Variants in TOM1L1 observed in about 807,000 individuals in gnomAD.
TOM1L1 encodes target of myb1 like 1 membrane trafficking protein, also known as TOM1-like protein 1.
In TOM1L1, 64 loss-of-function variants were observed where a neutral mutation model predicts 63.4. That is an observed-to-expected ratio of 1.01 (90% confidence interval 0.83 to 1.24). TOM1L1 has a LOEUF of 1.24. TOM1L1 is among the 50% of genes most tolerant of loss of function. The pLI, the probability that TOM1L1 is intolerant of heterozygous loss-of-function variation, is 0.00. For synonymous variants in TOM1L1, 166 were observed against 194.4 expected (o/e 0.85, Z 1.22); for missense variants, 536 against 567.0 (o/e 0.95, Z 0.55).
chr17:54,922,884 C>T (rs1432640933), intron 7 of TOM1L1, among the ~76,000 whole-genome samples: 1 of 152,188 alleles, frequency 6.6e-6, no homozygotes, highest in African/African-American at 2.4e-5. Context: ...AAGGAAACCC[C>T]ATGCTCATTA....
intron 6 of TOM1L1, 88 bp downstream of exon 6, chr17:54,914,831 A>G: frequency 9.7e-7 from 1 of 1,029,908 alleles, no homozygotes; most frequent in Non-Finnish European, 1.5e-6. Context: ...GGTTAACAAC[A>G]TTGAGATGTA....
chr17:54,951,513 A>G (rs1869523082), intron 14 of TOM1L1, among the ~76,000 whole-genome samples: 1 of 152,232 alleles, frequency 6.6e-6, no homozygotes, highest in Non-Finnish European at 1.5e-5. Context: ...TGAAAGGAGG[A>G]CTAGAGAAGG....
At chr17:54,946,882 G>T (rs911552824) in intron 11 of TOM1L1, among the ~76,000 whole-genome samples, 1 of 152,186 alleles carries the variant, frequency 6.6e-6, no homozygotes, top group Admixed American at 6.5e-5. Context: ...GTGACATTCA[G>T]TGGAGAGACA....
intron 5 of TOM1L1, 27 bp from the exon 6 acceptor site, chr17:54,914,612 T>TA: frequency 6.3e-7 from 1 of 1,578,544 alleles, no homozygotes; most frequent in Non-Finnish European, 8.7e-7. Context: ...ATTCACATAA[T>TA]AATATTACCA....
Position 54,950,873 on chromosome 17 carries a change from A to G in TOM1L1, c.1370+747A>G, listed in dbSNP as rs192952010. Among the ~76,000 whole-genome samples, 9 of 152,332 alleles carry G rather than the reference A, an allele frequency of 5.9e-5. No individual in the cohort carries two copies. The East Asian group carries it at 1.7e-3, about 29-fold the overall frequency. On this transcript the variant is annotated intron_variant, in intron 14 of 15. Transcript: ENST00000575882. ...GTTTTTCCTCAGCTCTCACTCTAAT[A>G]TAACAATGAATGCAGAGACTTCTGT...
chr17:54,935,897 C>T (rs951356648), intron 8 of TOM1L1, among the ~76,000 whole-genome samples: 47 of 151,962 alleles, frequency 3.1e-4, no homozygotes, highest in African/African-American at 1.1e-3. Flanking sequence ...CCGAGGTGGG[C>T]GGATCACCTG....
chr17:54,952,061 A>C (rs2049261387), intron 14 of TOM1L1: 2 of 152,224 alleles, frequency 1.3e-5, no homozygotes, highest in African/African-American at 4.8e-5. Context: ...AATATGTTTT[A>C]GGGTCTCCCA....
rs771053348 is a variant in TOM1L1 at position 54,915,791 on chromosome 17, C to G, written c.649C>G (p.Arg217Gly). 14 of 1,612,242 alleles carry G rather than the reference C, an allele frequency of 8.7e-6. No homozygotes were observed. Among genetic ancestry groups the G allele is most frequent in the Non-Finnish European group, 8.5e-6 (10 of 1,179,288 alleles). The change falls in exon 7 of 16, where the codon CGA becomes GGA. Residue 217 changes from arginine to glycine, a missense_variant. Arg to Gly is a moderately radical substitution (Grantham distance 125). Coordinates refer to ENST00000575882, the MANE Select transcript of TOM1L1 (RefSeq NM_005486.3). Reference sequence around the variant, plus strand: ...ATTGGATATGGTGAAAATGAATGTGCGAGTGATGTCCGCCATATTGATGGA... The same window carrying G: ...ATTGGATATGGTGAAAATGAATGTGGGAGTGATGTCCGCCATATTGATGGA... ...SELDMVKMNV[R>G]VMSAILMENT...
Position 54,949,500 on chromosome 17 carries a change from G to T in TOM1L1, c.1183-18G>T, listed in dbSNP as rs1203157982. 3.2e-6 allele frequency: 5 copies of T among 1,579,126 alleles called. No homozygotes were observed. Among genetic ancestry groups the T allele is most frequent in the Non-Finnish European group, 3.5e-6 (4 of 1,148,508 alleles). Reference sequence around the variant, plus strand: ...TAATGTAGAACGTTTATATGAACATGTGTTATGCTTTCTTCAGTTTCTGGA... The same window carrying T: ...TAATGTAGAACGTTTATATGAACATTTGTTATGCTTTCTTCAGTTTCTGGA... On this transcript the variant is annotated intron_variant, in intron 12 of 15. Coordinates refer to ENST00000575882, the MANE Select transcript of TOM1L1 (RefSeq NM_005486.3).
chr17:54,931,949 G>GTTTTTTTTTTTTTTTTTTTTT (rs10632110), intron 8 of TOM1L1, among the ~76,000 whole-genome samples: 1 of 121,482 alleles, frequency 8.2e-6, no homozygotes, highest in African/African-American at 3.2e-5. Context: ...TTTTTTCTTC[G>GTTTTTTTTTTTTTTTTTTTTT]TTTTTTTTTT....
At chr17:54,902,417 G>C (rs2048341787) in intron 1 of TOM1L1, among the ~76,000 whole-genome samples, 1 of 152,132 alleles carries the variant, frequency 6.6e-6, no homozygotes, top group African/African-American at 2.4e-5. Flanking sequence ...AGCCTCCCGA[G>C]TAGCTGGGAC....
At chr17:54,932,804 T>A (rs2048885836) in intron 8 of TOM1L1, among the ~76,000 whole-genome samples, 1 of 152,224 alleles carries the variant, frequency 6.6e-6, no homozygotes, top group Non-Finnish European at 1.5e-5. Context: ...AGCAAAAAAA[T>A]ATCCAAGGAA....
chr17:54,921,093 C>T (rs1302151596), intron 7 of TOM1L1, among the ~76,000 whole-genome samples: 1 of 152,070 alleles, frequency 6.6e-6, no homozygotes, highest in East Asian at 1.9e-4. Flanking sequence ...TTGTTTGCAC[C>T]CCGGGCTTTG....
intron 11 of TOM1L1, among the ~76,000 whole-genome samples, chr17:54,946,601 CAA>C (rs1165747945): frequency 6.6e-6 from 1 of 152,120 alleles, no homozygotes; most frequent in Non-Finnish European, 1.5e-5. Context: ...AAAAAAGGGA[CAA>C]GAGATTTCTA....
At chr17:54,909,698 G>A (rs987314732) in intron 3 of TOM1L1, among the ~76,000 whole-genome samples, 2 of 152,150 alleles carry the variant, frequency 1.3e-5, no homozygotes, top group Non-Finnish European at 2.9e-5. Context: ...GGACACTGAA[G>A]CTTAGGATAA....
chr17:54,910,727 G>A (rs1422379017), intron 3 of TOM1L1, among the ~76,000 whole-genome samples: 1 of 152,080 alleles, frequency 6.6e-6, no homozygotes, highest in Non-Finnish European at 1.5e-5. Context: ...AATATGTTTT[G>A]GATTTTGTTT....
chr17:54,918,193 C>T (rs564810720), intron 7 of TOM1L1, among the ~76,000 whole-genome samples: 2 of 152,324 alleles, frequency 1.3e-5, no homozygotes, highest in East Asian at 3.9e-4. Context: ...TAAGAGTTAG[C>T]AAACTGTGGC....
chr17:54,960,848 CAGT>C lies in TOM1L1; in HGVS notation c.*1+225_*1+227del, dbSNP rs1567852853. Among the ~76,000 whole-genome samples the C allele has an allele frequency of 1.5e-4, 23 of 152,244 alleles. No individual in the cohort carries two copies. In the South Asian group the frequency reaches 4.8e-3, roughly 32 times the overall value. On this transcript the variant is annotated intron_variant, in intron 15 of 15. Transcript: ENST00000575882. ...CTGTAAATAGTAAGGCTTGGGAATA[CAGT>C]AGTTTATGGTATAGAAATATTAATG... is the stretch of plus-strand genomic sequence containing the variant.
chr17:54,937,339 C>A, intron 10 of TOM1L1, 113 bp downstream of exon 10: 1 of 859,650 alleles, frequency 1.2e-6, no homozygotes, highest in South Asian at 1.5e-5. Context: ...GGTTGAATGT[C>A]AGAGCGCTAT....
Sources: gnomAD v4.1 joint callset for allele counts (sites outside exome capture counted in the v4.1 genomes callset) on GRCh38, gnomAD v4.1.1 for gene constraint, MANE v1.5 for transcripts, NCBI Gene and HGNC (gene_info 2026-07-23, HGNC 2026-07-21) for gene names.